The following SNX13 variants were observed in gnomAD, a reference collection of about 807,000 sequenced individuals.
SNX13 encodes sorting nexin-13.
In SNX13, 45 loss-of-function variants were observed where a neutral mutation model predicts 133.6. That is an observed-to-expected ratio of 0.34 (90% CI 0.27 to 0.43). The LOEUF is 0.43. Ranked by LOEUF, SNX13 falls within the 20% of genes least tolerant of loss-of-function variation. The pLI is 1.00. For synonymous variants in SNX13, 414 were observed against 373.9 expected (o/e 1.11, Z -1.24); for missense variants, 1,032 against 1,145.1 (o/e 0.90, Z 1.43).
chr7:17,836,547 T>C (rs1046764359), intron 13 of SNX13, among the ~76,000 whole-genome samples: 1 of 152,030 alleles, frequency 6.6e-6, no homozygotes, highest in African/African-American at 2.4e-5. Context: ...TTGTACACAT[T>C]TGTTATTACT....
At chr7:17,918,679 T>C (rs985681545) in intron 1 of SNX13, among the ~76,000 whole-genome samples, 1 of 152,304 alleles carries the variant, frequency 6.6e-6, no homozygotes, top group East Asian at 1.9e-4. Context: ...TCAGCCCCTG[T>C]AGAAAGCAGT....
intron 21 of SNX13, among the ~76,000 whole-genome samples, chr7:17,802,885 T>C (rs1038090244): frequency 6.7e-6 from 1 of 149,944 alleles, no homozygotes; most frequent in Non-Finnish European, 1.5e-5. Context: ...GTTAATGTAA[T>C]TAAAAAAAAA....
At chr7:17,816,113 T>C (rs1434641044) in intron 19 of SNX13, 69 bp downstream of exon 19, 2 of 1,437,458 alleles carry the variant, frequency 1.4e-6, no homozygotes, top group Non-Finnish European at 1.8e-6. Context: ...CTATATTAAA[T>C]GAAAAACATT....
chr7:17,892,461 G>C (rs996809069), intron 3 of SNX13, among the ~76,000 whole-genome samples: 1 of 149,290 alleles, frequency 6.7e-6, no homozygotes, highest in Non-Finnish European at 1.5e-5. Context: ...GCTAAGAAAT[G>C]GTTCAAAAAA....
chr7:17,848,696 G>A (rs1335676702), intron 11 of SNX13, among the ~76,000 whole-genome samples: 1 of 152,206 alleles, frequency 6.6e-6, no homozygotes, highest in Non-Finnish European at 1.5e-5. Flanking sequence ...CCGAGTGAGT[G>A]GAGTTTGATC....
chr7:17,841,684 C>T (rs1789920223), intron 12 of SNX13, among the ~76,000 whole-genome samples: 1 of 151,034 alleles, frequency 6.6e-6, no homozygotes, highest in Non-Finnish European at 1.5e-5. Flanking sequence ...CCAAAAAAGA[C>T]CTGATGGAAT....
intron 1 of SNX13, among the ~76,000 whole-genome samples, chr7:17,909,685 G>A (rs1009546063): frequency 6.7e-6 from 1 of 148,184 alleles, no homozygotes; most frequent in African/African-American, 2.5e-5. Context: ...ACACACAGAT[G>A]GGAAAAATAC....
rs1789089830 is a variant in SNX13 at position 17,835,995 on chromosome 7, C to T, written c.1360-1130G>A. On this transcript the variant is annotated intron_variant, in intron 13 of 25. Coordinates refer to ENST00000428135, the MANE Select transcript of SNX13 (RefSeq NM_015132.5). ...GGAATATGATGTTACTTGGTTTTGC[C>T]CTTTCATTTGCCCTCTAAGCTCACT... Among the ~76,000 whole-genome samples the T allele has an allele frequency of 2.0e-5, 3 of 151,746 alleles. No individual in the cohort carries two copies. In the South Asian group the frequency reaches 6.2e-4, roughly 32 times the overall value.
chr7:17,846,443 G>C (rs1313712554), intron 11 of SNX13, among the ~76,000 whole-genome samples: 1 of 152,144 alleles, frequency 6.6e-6, no homozygotes, highest in African/African-American at 2.4e-5. Flanking sequence ...CGGTAAGTAT[G>C]ACTACATGTT....
At chr7:17,814,010 T>C (rs1391010354) in intron 20 of SNX13, among the ~76,000 whole-genome samples, 1 of 152,188 alleles carries the variant, frequency 6.6e-6, no homozygotes, top group East Asian at 1.9e-4. Flanking sequence ...CATTTTCATT[T>C]TGAAATAATT....
At chr7:17,807,654 C>A (rs1237109520) in intron 20 of SNX13, among the ~76,000 whole-genome samples, 1 of 152,202 alleles carries the variant, frequency 6.6e-6, no homozygotes, top group Non-Finnish European at 1.5e-5. Context: ...TCCCTGAGCC[C>A]CATGCCTCCT....
chr7:17,792,806 T>C lies in SNX13; in HGVS notation c.*1239A>G, dbSNP rs893948789. ...CTTCTAAGATGGATAAAATGGACAGTCAGAAAACTATAGGAAATACAGAAG... is the reference window on the plus strand; with the variant it reads ...CTTCTAAGATGGATAAAATGGACAGCCAGAAAACTATAGGAAATACAGAAG... On this transcript the variant is annotated 3_prime_UTR_variant, in exon 26 of 26. Coordinates refer to ENST00000428135, the MANE Select transcript of SNX13 (RefSeq NM_015132.5). 1.3e-5 allele frequency: 2 copies of C among 152,320 alleles called. No homozygotes were observed. The highest frequency in any genetic ancestry group is 6.6e-5 in the Admixed American group (1 of 15,230). 9.4% of individuals were successfully genotyped at this position (152,320 alleles called of 1,614,324 possible). A position where few individuals can be genotyped will look rare whatever the true frequency, so the allele number is the denominator to read the frequency against.
At chr7:17,861,099 T>C (rs1490568997) in intron 9 of SNX13, among the ~76,000 whole-genome samples, 1 of 152,132 alleles carries the variant, frequency 6.6e-6, no homozygotes. Flanking sequence ...CACTGCAGCT[T>C]TGATCTCCTG....
chr7:17,810,824 C>A (rs1016962016), intron 20 of SNX13, among the ~76,000 whole-genome samples: 4 of 152,178 alleles, frequency 2.6e-5, no homozygotes, highest in Admixed American at 1.3e-4. Context: ...TTGGCTTCAT[C>A]CCTGGGATGC....
chr7:17,888,471 A>G, intron 5 of SNX13: 1 of 213,652 alleles, frequency 4.7e-6, no homozygotes, highest in South Asian at 5.6e-5. Flanking sequence ...CCTAGATTAT[A>G]AAATATTTAA....
In SNX13 at chr7:17,909,862, CT is replaced by C. The variant is rs1465215282; in HGVS notation, c.13-12417del. Among the ~76,000 whole-genome samples, 11 of 152,304 alleles carry C rather than the reference CT, an allele frequency of 7.2e-5. No individual in the cohort carries two copies. In the East Asian group the frequency reaches 2.1e-3, roughly 29 times the overall value. ...ATCTGCACATCCTGCACATGTACCCCTGAACTTAAAAGTTGAAAAAGACATA... is the reference window on the plus strand; with the variant it reads ...ATCTGCACATCCTGCACATGTACCCCGAACTTAAAAGTTGAAAAAGACATA... On this transcript the variant is annotated intron_variant, in intron 1 of 25. Coordinates refer to ENST00000428135, the MANE Select transcript of SNX13 (RefSeq NM_015132.5).
chr7:17,918,529 A>G (rs887629108), intron 1 of SNX13, among the ~76,000 whole-genome samples: 1 of 152,204 alleles, frequency 6.6e-6, no homozygotes, highest in Admixed American at 6.5e-5. Flanking sequence ...AATGCTTATG[A>G]CTAATCATTA....
chr7:17,851,249 C>T (rs1055434489), intron 9 of SNX13, among the ~76,000 whole-genome samples: 4 of 152,182 alleles, frequency 2.6e-5, no homozygotes, highest in African/African-American at 9.6e-5. Flanking sequence ...CAAAGACAAA[C>T]TGAGCAAAAG....
intron 13 of SNX13, among the ~76,000 whole-genome samples, chr7:17,838,112 T>C (rs1420585766): frequency 6.6e-6 from 1 of 152,046 alleles, no homozygotes; most frequent in Non-Finnish European, 1.5e-5. Flanking sequence ...TAAAAAAATA[T>C]GATTTTACCA....
Sources: gnomAD v4.1 joint callset for allele counts (sites outside exome capture counted in the v4.1 genomes callset) on GRCh38, gnomAD v4.1.1 for gene constraint, MANE v1.5 for transcripts, NCBI Gene and HGNC (gene_info 2026-07-23, HGNC 2026-07-21) for gene names.